Variants in PTH1R observed in about 807,000 individuals in gnomAD.
The protein encoded by PTH1R is parathyroid hormone/parathyroid hormone-related peptide receptor.
In PTH1R, 32 loss-of-function variants were observed where a neutral mutation model predicts 70.7. That is an observed-to-expected ratio of 0.45 (90% CI 0.34 to 0.61). PTH1R has a LOEUF of 0.61. PTH1R is among the 20% of genes least tolerant of loss of function. The pLI, the probability that PTH1R is intolerant of heterozygous loss-of-function variation, is 0.01. For synonymous variants in PTH1R, 329 were observed against 324.8 expected (o/e 1.01, Z -0.14); for missense variants, 626 against 792.5 (o/e 0.79, Z 2.52).
At chr3:46,885,784 GGCCAGCAAGAAGCTGGCAGCCT>G (rs894994507) in intron 3 of PTH1R, among the ~76,000 whole-genome samples, 2 of 152,120 alleles carry the variant, frequency 1.3e-5, no homozygotes, top group Non-Finnish European at 2.9e-5. Flanking sequence ...ACTCATCTGG[GGCCAGCAAGAAGCTGGCAGCCT>G]GCCAGCTCCC....
At chr3:46,900,988 C>T (rs199778687) in intron 10 of PTH1R, 37 bp from the exon 11 acceptor site, 3 of 1,560,320 alleles carry the variant, frequency 1.9e-6, no homozygotes, top group Non-Finnish European at 2.6e-6. Context: ...TGGACAGCAG[C>T]CACAGTCCTG....
chr3:46,892,639 CTGCCCGCCCCTCTCGCCGG>C lies in PTH1R; in HGVS notation c.76-1257_76-1239del. The C allele has an allele frequency of 1.5e-6, 1 of 684,552 alleles. No individual in the cohort carries two copies. The highest frequency in any genetic ancestry group is 1.8e-6 in the Non-Finnish European group (1 of 553,514). 42.4% of individuals were successfully genotyped at this position (684,552 alleles called of 1,614,324 possible). ...CTGCAGCCAGGCTCTCTGACCCGGCCTGCCCGCCCCTCTCGCCGGTGCCCGCCCCATGCCCGACCCGCCT... is the reference window on the plus strand; with the variant it reads ...CTGCAGCCAGGCTCTCTGACCCGGCCTGCCCGCCCCATGCCCGACCCGCCT... On this transcript the variant is annotated intron_variant, in intron 3 of 15. Coordinates refer to ENST00000449590, the MANE Select transcript of PTH1R (RefSeq NM_000316.3). This position sits in a 1 kb window ranked among gnomAD's most constrained non-coding sequence, Gnocchi z 5.2.
In PTH1R at chr3:46,901,030, C is replaced by G; in HGVS notation, c.994C>G (p.Pro332Ala). The G allele has an allele frequency of 6.3e-7, 1 of 1,582,642 alleles. No individual in the cohort carries two copies. Among genetic ancestry groups the G allele is most frequent in the Non-Finnish European group, 8.6e-7 (1 of 1,162,954 alleles). The change falls in exon 11 of 16, where the codon CCC (proline) becomes GCC (alanine). Residue 332 changes from proline to alanine, a missense_variant. Pro to Ala is a conservative substitution (Grantham distance 27, BLOSUM62 -1). Around this residue, in one of 3 missense-constraint regions of PTH1R, gnomAD observed 495 missense variants for 638.7 expected, o/e 0.77. Transcript: ENST00000449590. The surrounding 1 kb of genome is among the most constrained non-coding windows in gnomAD (Gnocchi z 7.3). Reference protein sequence around the residue: ...WGFTVFGWGLPAVFVAVWVSV... With the variant: ...WGFTVFGWGLAAVFVAVWVSV... ...GTCCCCCTCTGTGCCCACAGGTCTG[C>G]CCGCTGTCTTCGTGGCTGTGTGGGT... is the stretch of plus-strand genomic sequence containing the variant.
In PTH1R at chr3:46,901,286, G is replaced by C. The variant is rs1468586689; in HGVS notation, c.1050-128G>C. 1 of 1,331,364 alleles carries C rather than the reference G, an allele frequency of 7.5e-7. No homozygotes were observed. The highest frequency in any genetic ancestry group is 1.3e-5 in the South Asian group (1 of 79,504). 82.5% of individuals were successfully genotyped at this position (1,331,364 alleles called of 1,614,324 possible). A position where few individuals can be genotyped will look rare whatever the true frequency, so the allele number is the denominator to read the frequency against. ...GGCCTGTGAGGGAGGCCTCAGGCCT[G>C]GCCACACCCAGCACCCCTGCCCTGT... On this transcript the variant is annotated intron_variant, in intron 11 of 15. Coordinates refer to ENST00000449590, the MANE Select transcript of PTH1R (RefSeq NM_000316.3). This position sits in a 1 kb window ranked among gnomAD's most constrained non-coding sequence, Gnocchi z 7.3.
In PTH1R at chr3:46,902,424, C is replaced by T. The variant is rs1005030496; in HGVS notation, c.1212-102C>T. 35 of 1,501,434 alleles carry T rather than the reference C, an allele frequency of 2.3e-5. No homozygotes were observed. The highest frequency in any genetic ancestry group is 2.7e-6 in the Non-Finnish European group (3 of 1,103,262). 93.0% of individuals were successfully genotyped at this position (1,501,434 alleles called of 1,614,324 possible). ...CCCATGGTGACTGGAGCCCTGGGCC[C>T]CTTTGAGCTTCCGGAGCCTGGGGCT... On this transcript the variant is annotated intron_variant, in intron 13 of 15. Coordinates refer to ENST00000449590, the MANE Select transcript of PTH1R (RefSeq NM_000316.3). This position sits in a 1 kb window ranked among gnomAD's most constrained non-coding sequence, Gnocchi z 5.4.
In PTH1R at chr3:46,898,770, G is replaced by A. The variant is rs771783466; in HGVS notation, c.747G>A (p.Thr249=). Residue 249 remains threonine (T), a synonymous_variant, in exon 9 of 16, where the codon ACG becomes ACA. Transcript: ENST00000449590. ...ACGCTGTGCTCTACTCTGGCGCCAC[G>A]CTTGATGAGGCTGAGCGCCTCACCG... The part of the protein sequence containing the change: ...VKDAVLYSGA[T]LDEAERLTEE... 3.7e-6 allele frequency: 6 copies of A among 1,604,734 alleles called. No individual in the cohort carries two copies. The Admixed American group carries it at 8.4e-5, about 22-fold the overall frequency.
Position 46,895,822 on chromosome 3 carries a change from C to A in PTH1R, c.266C>A (p.Pro89His). 1.2e-6 allele frequency: 2 copies of A among 1,614,032 alleles called. No individual in the cohort carries two copies. Among genetic ancestry groups the A allele is most frequent in the Non-Finnish European group, 1.7e-6 (2 of 1,180,022 alleles). Residue 89 changes from proline (P) to histidine (H), a missense_variant, in exon 5 of 16, where the codon CCT becomes CAT. Pro to His is a moderately conservative substitution (Grantham distance 77). This residue lies in a region of PTH1R where 123 missense variants were observed against 125.7 expected (regional missense o/e 0.98). Coordinates refer to ENST00000449590, the MANE Select transcript of PTH1R (RefSeq NM_000316.3). ...RKDKASGKLYPESEEDKEAPT... is the reference protein window; with the variant it reads ...RKDKASGKLYHESEEDKEAPT... ...GATAAGGCATCTGGGAAGCTCTACC[C>A]TGAGTCTGAGGAGGACAAGGAGGCA... is the stretch of plus-strand genomic sequence containing the variant.
chr3:46,881,813 G>A (rs1482347459), intron 2 of PTH1R, among the ~76,000 whole-genome samples: 1 of 152,138 alleles, frequency 6.6e-6, no homozygotes, highest in Admixed American at 6.5e-5. Flanking sequence ...CGGCCCGAAC[G>A]GGAGCCCAGT....
rs760681173 is a variant in PTH1R, at chr3:46,902,672, G to T, written c.1353+5G>T. 1 of 1,614,104 alleles carries T rather than the reference G, an allele frequency of 6.2e-7. No individual in the cohort carries two copies. Among genetic ancestry groups the T allele is most frequent in the South Asian group, 1.1e-5 (1 of 91,082 alleles). ...ATGCTCTTCAACTCCTTCCAGGTGC[G>T]CAGTGCTGGCCCGGGCCTGGCTGAG... On this transcript the variant is annotated splice_donor_5th_base_variant and intron_variant, in intron 14 of 15. Coordinates refer to ENST00000449590, the MANE Select transcript of PTH1R (RefSeq NM_000316.3). This position sits in a 1 kb window ranked among gnomAD's most constrained non-coding sequence, Gnocchi z 5.4.
Position 46,883,580 on chromosome 3 carries a change from A to G in PTH1R, c.21A>G (p.Ala7=), listed in dbSNP as rs1202762678. 6.5e-7 allele frequency: 1 copy of G among 1,539,590 alleles called. No homozygotes were observed. The highest frequency in any genetic ancestry group is 8.7e-7 in the Non-Finnish European group (1 of 1,146,312). ...TGGCGATGGGGACCGCCCGGATCGC[A>G]CCCGGCCTGGCGCTCCTGCTCTGCT... MGTARI[A]PGLALLLCCP... The change falls in exon 3 of 16, where the codon GCA becomes GCG. Residue 7 remains alanine, a synonymous_variant. Transcript: ENST00000449590. The surrounding 1 kb of genome is among the most constrained non-coding windows in gnomAD (Gnocchi z 6.4).
At chr3:46,890,496 CTTTTTT>C (rs71619664) in intron 3 of PTH1R, among the ~76,000 whole-genome samples, 1 of 72,368 alleles carries the variant, frequency 1.4e-5, no homozygotes, top group African/African-American at 5.3e-5. Context: ...TTCACAGCAG[CTTTTTT>C]TTTTTTTTTT....
In PTH1R at chr3:46,901,755, C is replaced by T; in HGVS notation, c.1117-11C>T. 6.2e-7 allele frequency: 1 copy of T among 1,612,780 alleles called. No individual in the cohort carries two copies. Among genetic ancestry groups the T allele is most frequent in the Non-Finnish European group, 8.5e-7 (1 of 1,178,786 alleles). On this transcript the variant is annotated splice_polypyrimidine_tract_variant and intron_variant, in intron 12 of 15. Transcript: ENST00000449590. The surrounding 1 kb of genome is among the most constrained non-coding windows in gnomAD (Gnocchi z 7.3). ...GTGCAGCCTCCAGACGCAGCCCCCT[C>T]ACTCCCACAGCTCAACTTCATCCTC... is the stretch of plus-strand genomic sequence containing the variant.
chr3:46,888,088 G>C (rs1313253201), intron 3 of PTH1R, among the ~76,000 whole-genome samples: 1 of 152,140 alleles, frequency 6.6e-6, no homozygotes, highest in Admixed American at 6.5e-5. Flanking sequence ...AACCAGGAGG[G>C]CCTCTCTGCC....
In PTH1R at chr3:46,903,779, A is replaced by AG. The variant is rs1476555478; in HGVS notation, c.*123_*124insG. 3 of 1,499,336 alleles carry AG rather than the reference A, an allele frequency of 2.0e-6. No individual in the cohort carries two copies. The Admixed American group carries it at 6.2e-5, about 31-fold the overall frequency. The allele number at this position is 1,499,336 out of a possible 1,614,324, so 92.9% of individuals were successfully genotyped here. A position where few individuals can be genotyped will look rare whatever the true frequency, so the allele number is the denominator to read the frequency against. On this transcript the variant is annotated 3_prime_UTR_variant, in exon 16 of 16. Transcript: ENST00000449590. The surrounding 1 kb of genome is among the most constrained non-coding windows in gnomAD (Gnocchi z 4.4). The stretch of plus-strand genomic sequence containing the variant: ...GGAAAAACAGGGAAAAAAAGAAAAA[A>AG]AAAAGAAAAAGGAAAAGGAAGCGGT...
At position 46,902,729 on chromosome 3, in the gene PTH1R, C is replaced by T. The variant is rs79053518; in HGVS notation, c.1354-20C>T. ...AGGGGTTCCGGGGGCAGGCCTGATT[C>T]GAGACACCCCTCTTCACAGGGATTT... is the stretch of plus-strand genomic sequence containing the variant. On this transcript the variant is annotated intron_variant, in intron 14 of 15. Transcript: ENST00000449590. This position sits in a 1 kb window ranked among gnomAD's most constrained non-coding sequence, Gnocchi z 5.4. 6.8e-3 allele frequency: 11,034 copies of T among 1,613,926 alleles called. 620 individuals carry two copies. The African/African-American group carries it at 0.13, about 19-fold the overall frequency.
rs201474414 is a variant in PTH1R, at chr3:46,903,627, C to G, written c.1753C>G (p.Leu585Val). 1.6e-5 allele frequency: 26 copies of G among 1,611,790 alleles called. No homozygotes were observed. Among genetic ancestry groups the G allele is most frequent in the Middle Eastern group, 3.3e-4 (2 of 6,084 alleles). ...ASGPERPPAL[L>V]QEEWETVM is the part of the protein sequence containing the mutation. ...TGGGCCTGAGCGGCCACCTGCCCTG[C>G]TACAGGAAGAGTGGGAGACAGTCAT... The change falls in exon 16 of 16, where the codon CTA (leucine) becomes GTA (valine). Residue 585 changes from leucine to valine, a missense_variant. Physicochemically the swap from Leu to Val is conservative, Grantham distance 32. This residue lies in a region of PTH1R where 495 missense variants were observed against 638.7 expected (regional missense o/e 0.77). Coordinates refer to ENST00000449590, the MANE Select transcript of PTH1R (RefSeq NM_000316.3). The surrounding 1 kb of genome is among the most constrained non-coding windows in gnomAD (Gnocchi z 4.4).
chr3:46,881,125 G>C lies in PTH1R; in HGVS notation c.-49+7G>C, dbSNP rs545734452. ...TGTCCAGGACACACAACTGGTAAGC[G>C]GGCAAGCACAGGCTGTTGCTTAGCC... On this transcript the variant is annotated splice_region_variant and intron_variant, in intron 2 of 15. Transcript: ENST00000449590. 1 of 152,232 alleles carries C rather than the reference G, an allele frequency of 6.6e-6. No homozygotes were observed. The highest frequency in any genetic ancestry group is 6.5e-5 in the Admixed American group (1 of 15,288). 9.4% of individuals were successfully genotyped at this position (152,232 alleles called of 1,614,324 possible). A position where few individuals can be genotyped will look rare whatever the true frequency, so the allele number is the denominator to read the frequency against.
In PTH1R at chr3:46,879,500, T is replaced by TG. The variant is rs1182725825; in HGVS notation, c.-105-1559dup. Reference sequence around the variant, plus strand: ...GTTCATGCCTGTAATCCCAGCACTTTGGGAGGCCGAGGCAGGAGGACTGCT... The same window carrying TG: ...GTTCATGCCTGTAATCCCAGCACTTTGGGGAGGCCGAGGCAGGAGGACTGCT... On this transcript the variant is annotated intron_variant, in intron 1 of 15. Transcript: ENST00000449590. This position sits in a 1 kb window ranked among gnomAD's most constrained non-coding sequence, Gnocchi z 4.7. 1.3e-5 allele frequency among the ~76,000 whole-genome samples: 2 copies of TG among 152,160 alleles called. No individual in the cohort carries two copies. The highest frequency in any genetic ancestry group is 4.8e-5 in the African/African-American group (2 of 41,440).
intron 3 of PTH1R, among the ~76,000 whole-genome samples, chr3:46,885,868 C>T (rs2030987480): frequency 6.6e-6 from 1 of 152,196 alleles, no homozygotes; most frequent in Non-Finnish European, 1.5e-5. Flanking sequence ...ACCTATGCCC[C>T]TCAAGCCCAC....
Sources: allele counts gnomAD v4.1 joint callset (sites outside exome capture counted in the v4.1 genomes callset), GRCh38; gene constraint gnomAD v4.1.1; regional missense constraint gnomAD v4.1.1; non-coding constraint Gnocchi (gnomAD v3.1); transcripts MANE v1.5; gene names NCBI Gene and HGNC (gene_info 2026-07-23, HGNC 2026-07-21).